Variants in CTNNA2 observed in about 807,000 individuals in gnomAD.
CTNNA2 encodes the protein catenin alpha 2.
CTNNA2 carries 42 observed loss-of-function variants against 101.0 expected under a neutral mutation model. The ratio of observed to expected loss-of-function variants is 0.42; its 90% CI spans 0.32 to 0.54. The LOEUF (loss-of-function observed/expected upper bound fraction) is 0.54. Ranked by LOEUF, CTNNA2 falls within the 20% of genes least tolerant of loss-of-function variation. The pLI is 0.14. For synonymous variants in CTNNA2, 450 were observed against 456.4 expected, an observed-to-expected ratio of 0.99 and a Z score of 0.18; for missense variants, 871 against 1,223.1, an observed-to-expected ratio of 0.71 and a Z score of 4.29.
At chr2:79,357,957 G>C (rs548620446) in intron 3 of CTNNA2, among the ~76,000 whole-genome samples, 1 of 151,956 alleles carries the variant, frequency 6.6e-6, no homozygotes, top group Non-Finnish European at 1.5e-5. Flanking sequence ...TCTTTCCCTT[G>C]ACTCTATCTT....
At chr2:80,222,495 C>G (rs1282827927) in intron 7 of CTNNA2, among the ~76,000 whole-genome samples, 1 of 152,064 alleles carries the variant, frequency 6.6e-6, no homozygotes, top group South Asian at 2.1e-4. Flanking sequence ...AATTTAAGGT[C>G]CAAAGAAATG....
intron 1 of CTNNA2, among the ~76,000 whole-genome samples, chr2:79,640,384 C>A (rs1169059577): frequency 6.6e-6 from 1 of 152,118 alleles, no homozygotes; most frequent in East Asian, 1.9e-4. Context: ...ATGTGGAAAT[C>A]AGAACTGAAT....
At chr2:79,850,135 T>G (rs1574127069) in intron 3 of CTNNA2, among the ~76,000 whole-genome samples, 1 of 151,768 alleles carries the variant, frequency 6.6e-6, no homozygotes. Flanking sequence ...TTTGTTTAGG[T>G]CCTTGTTCCT....
At chr2:79,732,273 G>C (rs974577475) in intron 2 of CTNNA2, among the ~76,000 whole-genome samples, 1 of 151,954 alleles carries the variant, frequency 6.6e-6, no homozygotes, top group Non-Finnish European at 1.5e-5. Context: ...GTTATTCCCA[G>C]GTCATTGAAA....
intron 2 of CTNNA2, among the ~76,000 whole-genome samples, chr2:79,662,815 A>T (rs1315295088): frequency 6.6e-6 from 1 of 152,140 alleles, no homozygotes; most frequent in East Asian, 1.9e-4. Flanking sequence ...TTTCATTCTG[A>T]AAACAAAACT....
intron 6 of CTNNA2, among the ~76,000 whole-genome samples, chr2:79,906,890 A>G (rs1353552528): frequency 6.6e-6 from 1 of 152,240 alleles, no homozygotes; most frequent in African/African-American, 2.4e-5. Context: ...TTTCCAAAAC[A>G]TATTTGGCCA....
intron 9 of CTNNA2, among the ~76,000 whole-genome samples, chr2:80,437,187 T>G (rs184543753): frequency 6.6e-6 from 1 of 152,266 alleles, no homozygotes; most frequent in East Asian, 1.9e-4. Context: ...AGCCATAAAT[T>G]TCTGTCGTTG....
At chr2:79,744,615 T>C (rs1671510554) in intron 3 of CTNNA2, 33 bp downstream of exon 3, 1 of 1,587,062 alleles carries the variant, frequency 6.3e-7, no homozygotes, top group Non-Finnish European at 8.6e-7. Flanking sequence ...TCAAGGCGGA[T>C]CTATACTGAT....
intron 1 of CTNNA2, among the ~76,000 whole-genome samples, chr2:79,573,490 T>A (rs1007846454): frequency 6.6e-6 from 1 of 152,204 alleles, no homozygotes; most frequent in Non-Finnish European, 1.5e-5. Flanking sequence ...GAAGCCATAG[T>A]GAAACAGATG....
In CTNNA2 at chr2:79,913,571, G is replaced by A. The variant is rs114158750; in HGVS notation, c.1056+3774G>A. Among the ~76,000 whole-genome samples the A allele has an allele frequency of 1.1e-3, 161 of 152,284 alleles. 3 individuals carry two copies. The highest frequency in any genetic ancestry group is 3.7e-3 in the African/African-American group (153 of 41,556). On this transcript the variant is annotated intron_variant, in intron 7 of 18. Transcript: ENST00000402739. ...AGAACAGGCCACAAAGGCAAAAGGC[G>A]TAAAAGCAGGAGGACAGGTGAGGAG...
chr2:79,531,889 T>C (rs767423706), intron 1 of CTNNA2, among the ~76,000 whole-genome samples: 3 of 151,848 alleles, frequency 2.0e-5, no homozygotes, highest in Admixed American at 6.6e-5. Flanking sequence ...ACCATGTTGG[T>C]CAGGCTGGTC....
At chr2:79,483,579 G>A (rs1291773388) in intron 4 of CTNNA2, among the ~76,000 whole-genome samples, 3 of 152,064 alleles carry the variant, frequency 2.0e-5, no homozygotes, top group Non-Finnish European at 4.4e-5. Context: ...ACATTTACCC[G>A]GAGTCTCCAA....
rs78797854 is a variant in CTNNA2, at chr2:79,656,076, C to T, written c.102+4418C>T. On this transcript the variant is annotated intron_variant, in intron 2 of 18. Coordinates refer to ENST00000402739, the MANE Select transcript of CTNNA2 (RefSeq NM_001282597.3). ...CTATCTATATGCCTTATATTTCCTCCTAGTATTCCATACTGATTTAAAAAA... is the reference window on the plus strand; with the variant it reads ...CTATCTATATGCCTTATATTTCCTCTTAGTATTCCATACTGATTTAAAAAA... Among the ~76,000 whole-genome samples the T allele has an allele frequency of 3.4e-3, 515 of 152,164 alleles. 12 individuals are homozygous for T. In the South Asian group the frequency reaches 0.046, roughly 13 times the overall value.
At chr2:80,319,208 A>G (rs1678440586) in intron 7 of CTNNA2, among the ~76,000 whole-genome samples, 1 of 152,334 alleles carries the variant, frequency 6.6e-6, no homozygotes, top group East Asian at 1.9e-4. Flanking sequence ...TTTCTAAAAG[A>G]ATTTAAATTC....
At chr2:79,457,426 G>GA (rs1670837666) in intron 4 of CTNNA2, among the ~76,000 whole-genome samples, 2 of 151,832 alleles carry the variant, frequency 1.3e-5, no homozygotes, top group Admixed American at 6.5e-5. Context: ...TTTTCTAATA[G>GA]AAAAAAATGA....
chr2:80,368,071 G>T (rs575941261), intron 7 of CTNNA2, among the ~76,000 whole-genome samples: 1 of 152,162 alleles, frequency 6.6e-6, no homozygotes, highest in South Asian at 2.1e-4. Context: ...ATATTCCTGT[G>T]GTAGAGATCA....
rs1057404645 is a variant in CTNNA2, at chr2:79,754,406, G to A, written c.298+9824G>A. ...ACAGAAACTTCAGTTGATGCCAGCT[G>A]TGTGAACTCCTAGGCTGAGAGCTGG... On this transcript the variant is annotated intron_variant, in intron 3 of 18. Transcript: ENST00000402739. Among the ~76,000 whole-genome samples the A allele has an allele frequency of 2.0e-5, 3 of 152,116 alleles. No individual in the cohort carries two copies. In the East Asian group the frequency reaches 5.8e-4, roughly 29 times the overall value.
intron 2 of CTNNA2, among the ~76,000 whole-genome samples, chr2:79,679,650 C>T (rs1047001241): frequency 2.6e-5 from 4 of 152,190 alleles, no homozygotes; most frequent in East Asian, 1.9e-4. Flanking sequence ...TTAGGGTGAA[C>T]GTTTGTCGCA....
chr2:80,224,782 T>C (rs958262710), intron 7 of CTNNA2, among the ~76,000 whole-genome samples: 1 of 152,150 alleles, frequency 6.6e-6, no homozygotes, highest in African/African-American at 2.4e-5. Flanking sequence ...GACCTACCTC[T>C]AGTTGCTAAA....
Sources: allele counts gnomAD v4.1 joint callset (sites outside exome capture counted in the v4.1 genomes callset), GRCh38; gene constraint gnomAD v4.1.1; transcripts MANE v1.5; gene names NCBI Gene and HGNC (gene_info 2026-07-23, HGNC 2026-07-21).